The following SGCZ variants were observed in gnomAD, a reference collection of about 807,000 sequenced individuals.
SGCZ encodes the protein sarcoglycan zeta.
In SGCZ, 40 loss-of-function variants were observed where a neutral mutation model predicts 41.3. The observed-to-expected ratio is 0.97, with a 90% CI of 0.75 to 1.26. The LOEUF (loss-of-function observed/expected upper bound fraction) is 1.26. Among genes scored for constraint, SGCZ ranks in the 50% most tolerant of loss-of-function variants. The probability of loss-of-function intolerance (pLI) is 0.00; values close to 1 mark genes in which losing one functional copy is unlikely to be tolerated. For missense variants in SGCZ, 552 were observed against 369.8 expected, an observed-to-expected ratio of 1.49 and a Z score of -4.04; for synonymous variants, 206 against 137.5, an observed-to-expected ratio of 1.50 and a Z score of -3.49.
intron 1 of SGCZ, among the ~76,000 whole-genome samples, chr8:14,892,054 C>A (rs1024076156): frequency 3.3e-5 from 5 of 152,158 alleles, no homozygotes; most frequent in African/African-American, 9.7e-5. Context: ...AGTGGGCTGG[C>A]ACTGAACCTG....
intron 3 of SGCZ, among the ~76,000 whole-genome samples, chr8:14,244,877 T>C (rs1437898605): frequency 3.3e-5 from 5 of 152,120 alleles, no homozygotes; most frequent in Admixed American, 3.3e-4. Context: ...AGTTGACTCA[T>C]GATTTGGCTC....
intron 1 of SGCZ, among the ~76,000 whole-genome samples, chr8:14,557,761 G>C (rs1474235799): frequency 1.3e-5 from 2 of 151,708 alleles, no homozygotes. Flanking sequence ...AGGAACTAGA[G>C]AAACAAGAAA....
At chr8:14,783,320 G>C (rs1012270669) in intron 1 of SGCZ, among the ~76,000 whole-genome samples, 4 of 152,028 alleles carry the variant, frequency 2.6e-5, no homozygotes, top group African/African-American at 9.7e-5. Context: ...TGTAATCCCA[G>C]CTACTCTGGA....
intron 1 of SGCZ, among the ~76,000 whole-genome samples, chr8:14,584,997 T>C (rs999273972): frequency 6.6e-6 from 1 of 152,122 alleles, no homozygotes; most frequent in African/African-American, 2.4e-5. Context: ...AGGTACAACA[T>C]TGGGCTACAA....
intron 2 of SGCZ, among the ~76,000 whole-genome samples, chr8:14,481,492 C>T (rs954886068): frequency 6.6e-6 from 1 of 152,160 alleles, no homozygotes; most frequent in Non-Finnish European, 1.5e-5. Flanking sequence ...TTTTATCAAT[C>T]TCACAATAAA....
intron 2 of SGCZ, among the ~76,000 whole-genome samples, chr8:14,485,172 A>C (rs573471913): frequency 6.6e-6 from 1 of 152,332 alleles, no homozygotes; most frequent in East Asian, 1.9e-4. Context: ...TGTGGGATAC[A>C]TGATGATCCA....
intron 4 of SGCZ, among the ~76,000 whole-genome samples, chr8:14,231,363 T>G (rs185296246): frequency 1.6e-3 from 243 of 152,120 alleles, no homozygotes; most frequent in African/African-American, 5.5e-3. Context: ...GTCTTCAGCC[T>G]TTTTTAAGGA....
intron 1 of SGCZ, among the ~76,000 whole-genome samples, chr8:15,020,614 T>A (rs1367240417): frequency 2.6e-5 from 4 of 152,194 alleles, no homozygotes; most frequent in Non-Finnish European, 5.9e-5. Context: ...TCTATTATAG[T>A]GCAGGAAGGG....
chr8:14,689,117 T>A (rs1808716529), intron 1 of SGCZ, among the ~76,000 whole-genome samples: 1 of 152,158 alleles, frequency 6.6e-6, no homozygotes, highest in Non-Finnish European at 1.5e-5. Context: ...ATTTGACTAC[T>A]CTTGAGTAGC....
chr8:15,233,039 T>C (rs1219319098), intron 1 of SGCZ, among the ~76,000 whole-genome samples: 1 of 151,810 alleles, frequency 6.6e-6, no homozygotes, highest in Non-Finnish European at 1.5e-5. Context: ...GACTAGTTGC[T>C]ATTTTGTAAA....
At chr8:14,982,754 T>C (rs776442766) in intron 1 of SGCZ, among the ~76,000 whole-genome samples, 2 of 152,202 alleles carry the variant, frequency 1.3e-5, no homozygotes, top group Non-Finnish European at 2.9e-5. Context: ...TTTTAATCTT[T>C]ATTTTGAAAA....
intron 1 of SGCZ, among the ~76,000 whole-genome samples, chr8:15,125,586 T>C (rs914801466): frequency 2.3e-4 from 35 of 152,294 alleles, no homozygotes; most frequent in African/African-American, 7.9e-4. Context: ...AAATACCCTA[T>C]TTTAATTTGC....
chr8:14,117,738 C>G (rs958366963), intron 5 of SGCZ, among the ~76,000 whole-genome samples: 3 of 151,196 alleles, frequency 2.0e-5, no homozygotes, highest in Admixed American at 2.0e-4. Context: ...TCCCTTAGTC[C>G]CACATCCCCT....
At position 14,309,306 on chromosome 8, in the gene SGCZ, A is replaced by G; in HGVS notation, c.336+14797T>C. On this transcript the variant is annotated intron_variant, in intron 3 of 7. Coordinates refer to ENST00000382080, the MANE Select transcript of SGCZ (RefSeq NM_139167.4). ...GGCTGTGACTACTCACTTTTTAAGG[A>G]TGGTATTGAGACTATGTGGGAAGAT... is the stretch of plus-strand genomic sequence containing the variant. The G allele has an allele frequency of 1.9e-6, 3 of 1,588,918 alleles. No individual in the cohort carries two copies. In the Admixed American group the frequency reaches 5.0e-5, roughly 27 times the overall value.
intron 3 of SGCZ, among the ~76,000 whole-genome samples, chr8:14,308,536 A>T (rs1018407749): frequency 6.6e-6 from 1 of 151,992 alleles, no homozygotes; most frequent in Non-Finnish European, 1.5e-5. Flanking sequence ...ATTAGAGAAG[A>T]AAGACCCCCT....
intron 3 of SGCZ, chr8:14,309,347 G>A: frequency 6.2e-7 from 1 of 1,603,430 alleles, no homozygotes; most frequent in Non-Finnish European, 8.5e-7. Context: ...AAACAAATGG[G>A]GAGGACGATG....
intron 2 of SGCZ, among the ~76,000 whole-genome samples, chr8:14,461,650 C>A (rs1298471183): frequency 2.0e-5 from 3 of 152,086 alleles, no homozygotes; most frequent in African/African-American, 7.2e-5. Context: ...TGACAGCCTG[C>A]TGCAAAACTC....
chr8:15,038,814 CAAAAAAAAAAAA>C (rs58922339), intron 1 of SGCZ, among the ~76,000 whole-genome samples: 6 of 93,088 alleles, frequency 6.4e-5, no homozygotes, highest in African/African-American at 2.4e-4. Context: ...TGACATTTCT[CAAAAAAAAAAAA>C]AAAAAAAAAA....
intron 1 of SGCZ, among the ~76,000 whole-genome samples, chr8:14,840,328 A>T (rs992252054): frequency 1.3e-5 from 2 of 152,154 alleles, no homozygotes; most frequent in Non-Finnish European, 2.9e-5. Flanking sequence ...ACATAAGATT[A>T]TAGTGTGGTT....
Sources: gnomAD v4.1 joint callset for allele counts (sites outside exome capture counted in the v4.1 genomes callset) on GRCh38, gnomAD v4.1.1 for gene constraint, MANE v1.5 for transcripts, NCBI Gene and HGNC (gene_info 2026-07-23, HGNC 2026-07-21) for gene names.